The following ARL17A variants were observed in gnomAD, a reference collection of about 807,000 sequenced individuals.
ARL17A encodes ARF like GTPase 17A.
At chr17:46,535,198 G>C (rs1367962583) in intron 4 of ARL17A, among the ~76,000 whole-genome samples, 1 of 149,490 alleles carries the variant, frequency 6.7e-6, no homozygotes, top group Non-Finnish European at 1.5e-5. Flanking sequence ...TCCAGCACCT[G>C]CATTGTTTTT....
At chr17:46,533,434 C>T (rs2054023698) in intron 4 of ARL17A, among the ~76,000 whole-genome samples, 1 of 132,232 alleles carries the variant, frequency 7.6e-6, no homozygotes, top group Non-Finnish European at 1.5e-5. Context: ...CACATTACAT[C>T]TTTATATACC....
At chr17:46,569,158 G>A (rs2057631475) in intron 3 of ARL17A, among the ~76,000 whole-genome samples, 1 of 151,528 alleles carries the variant, frequency 6.6e-6, no homozygotes, top group African/African-American at 2.5e-5. Flanking sequence ...ATGTTGGCCA[G>A]GCTGGTCTCC....
chr17:46,503,542 TATA>T, the ARL17A span, among the ~76,000 whole-genome samples: 2 of 133,886 alleles, frequency 1.5e-5, no homozygotes, highest in Admixed American at 1.5e-4. Context: ...GTTTCATGAA[TATA>T]ATCATATTCT....
chr17:46,548,832 C>T, downstream of ARL17A: 1 of 1,612,364 alleles, frequency 6.2e-7, no homozygotes, highest in Non-Finnish European at 8.5e-7. Context: ...GAAACGCCGT[C>T]TACACCAAGC....
chr17:46,554,428 A>G lies in ARL17A; in HGVS notation c.*2928T>C. ...GGGAATGAGCCAAACTGTCTCAAAT[A>G]AAAAAAAAACAACAAAAAAGAATTT... On this transcript the variant is annotated 3_prime_UTR_variant, in exon 4 of 4. Coordinates refer to ENST00000336125, the MANE Select transcript of ARL17A (RefSeq NM_001113738.2). 3.8e-5 allele frequency: 1 copy of G among 26,534 alleles called. No homozygotes were observed. 1.6% of individuals were successfully genotyped at this position (26,534 alleles called of 1,614,324 possible).
intron 3 of ARL17A, chr17:46,558,796 C>G (rs1240479288): frequency 7.4e-6 from 1 of 134,480 alleles, no homozygotes; most frequent in Admixed American, 7.4e-5. Context: ...AACTCACACT[C>G]CCCTATATCA....
chr17:46,558,486 A>C lies in ARL17A; in HGVS notation c.260-856T>G, dbSNP rs1048176882. ...ACTGCAACCTCTGCCTTCCAGGTTC[A>C]AGTGATTCTCCTGCCTCAGCCTCCC... On this transcript the variant is annotated intron_variant, in intron 3 of 3. Coordinates refer to ENST00000336125, the MANE Select transcript of ARL17A (RefSeq NM_001113738.2). 5.0e-5 allele frequency among the ~76,000 whole-genome samples: 6 copies of C among 120,578 alleles called. No homozygotes were observed. The East Asian group carries it at 8.3e-4, about 17-fold the overall frequency. 79.1% of individuals were successfully genotyped at this position (120,578 alleles called of 152,430 possible). A position where few individuals can be genotyped will look rare whatever the true frequency, so the allele number is the denominator to read the frequency against.
intron 4 of ARL17A, among the ~76,000 whole-genome samples, chr17:46,534,164 C>T (rs368880377): frequency 1.6e-4 from 23 of 148,052 alleles, no homozygotes; most frequent in East Asian, 1.4e-3. Context: ...CAGGCATGCA[C>T]CACCATGCCC....
Position 46,532,224 on chromosome 17 carries a change from A to G in ARL17A, c.336-3365T>C, listed in dbSNP as rs943339120. On this transcript the variant is annotated intron_variant, in intron 4 of 4. Coordinates refer to the ARL17A transcript ENST00000329240. ...AATAAATGAAAACTTTTTCACTCAAAAAAACAACAATTGTAGTGAAACCAT... is the reference window on the plus strand; with the variant it reads ...AATAAATGAAAACTTTTTCACTCAAGAAAACAACAATTGTAGTGAAACCAT... Among the ~76,000 whole-genome samples, 14 of 148,806 alleles carry G rather than the reference A, an allele frequency of 9.4e-5. 2 individuals carry two copies. Among genetic ancestry groups the G allele is most frequent in the African/African-American group, 3.3e-4 (13 of 38,996 alleles).
chr17:46,501,298 C>G, the ARL17A span, among the ~76,000 whole-genome samples: 1 of 151,080 alleles, frequency 6.6e-6, no homozygotes, highest in Admixed American at 6.6e-5. Context: ...GCCTCAGCCT[C>G]CTGAGTAGCT....
intron 3 of ARL17A, among the ~76,000 whole-genome samples, chr17:46,558,002 C>T (rs1264925053): frequency 1.5e-5 from 2 of 135,744 alleles, no homozygotes; most frequent in Admixed American, 7.5e-5. Flanking sequence ...AAAACTTAGC[C>T]CTCATTGAAA....
chr17:46,532,069 G>T (rs979847919), intron 4 of ARL17A, among the ~76,000 whole-genome samples: 1 of 150,524 alleles, frequency 6.6e-6, no homozygotes. Context: ...GGGCAACAGA[G>T]TGAGACTCCA....
intron 4 of ARL17A, among the ~76,000 whole-genome samples, chr17:46,534,933 C>T (rs1243146247): frequency 4.0e-5 from 6 of 149,766 alleles, no homozygotes; most frequent in Non-Finnish European, 8.8e-5. Flanking sequence ...TCAGATGGGG[C>T]GGCTGCCAGG....
the ARL17A span, among the ~76,000 whole-genome samples, chr17:46,500,746 T>G: frequency 6.6e-6 from 1 of 151,244 alleles, no homozygotes; most frequent in Non-Finnish European, 1.5e-5. Context: ...TAGCAAAGTT[T>G]GAAGATAACT....
downstream of ARL17A, chr17:46,528,701 G>T (rs1216489897): frequency 1.6e-6 from 1 of 639,328 alleles, no homozygotes; most frequent in Non-Finnish European, 2.8e-6. Context: ...CTCCAGCCTG[G>T]GCAACAGAGT....
downstream of ARL17A, chr17:46,549,044 G>A (rs375225444): frequency 1.8e-4 from 292 of 1,612,196 alleles, 14 homozygotes; most frequent in African/African-American, 3.7e-3. Flanking sequence ...GTACATGCCA[G>A]AAAAAAATAC....
At chr17:46,503,290 A>G in the ARL17A span, among the ~76,000 whole-genome samples, 1 of 148,446 alleles carries the variant, frequency 6.7e-6, no homozygotes, top group African/African-American at 2.6e-5. Flanking sequence ...AAGTAATTTC[A>G]TTTTTTACTT....
At chr17:46,502,737 T>C in the ARL17A span, among the ~76,000 whole-genome samples, 1 of 151,322 alleles carries the variant, frequency 6.6e-6, no homozygotes, top group Non-Finnish European at 1.5e-5. Flanking sequence ...GTTTTTGTTT[T>C]TGTTTCAGTG....
chr17:46,558,836 CTTTTTTTT>C (rs765462293), intron 3 of ARL17A: 3 of 71,838 alleles, frequency 4.2e-5, no homozygotes, highest in Admixed American at 1.5e-4. Flanking sequence ...CTCTTTTATT[CTTTTTTTT>C]TTTTTTTTTT....
Sources: allele counts gnomAD v4.1 joint callset (sites outside exome capture counted in the v4.1 genomes callset), GRCh38; gene constraint gnomAD v4.1.1; transcripts MANE v1.5; gene names NCBI Gene and HGNC (gene_info 2026-07-23, HGNC 2026-07-21).